ANTXR2: variants seen among roughly 807,000 people sequenced by gnomAD.
ANTXR2 encodes the protein anthrax toxin receptor 2.
Under a neutral mutation model 73.7 loss-of-function variants are expected in ANTXR2, and 44 were observed. That is an observed-to-expected ratio of 0.60 (90% CI 0.47 to 0.77). The LOEUF (loss-of-function observed/expected upper bound fraction) is 0.77. ANTXR2 is among the 30% of genes least tolerant of loss of function. ANTXR2 has a pLI of 0.00. For synonymous variants in ANTXR2, 217 were observed against 205.9 expected (o/e 1.05, Z -0.46); for missense variants, 604 against 592.5 (o/e 1.02, Z -0.20).
chr4:80,020,425 A>C (rs1248357954), intron 10 of ANTXR2, among the ~76,000 whole-genome samples: 2 of 152,144 alleles, frequency 1.3e-5, no homozygotes, highest in African/African-American at 2.4e-5. Flanking sequence ...AAACTCCCAG[A>C]AACAATCTCA....
chr4:79,988,295 G>C (rs1339659571), intron 12 of ANTXR2, among the ~76,000 whole-genome samples: 4 of 124,752 alleles, frequency 3.2e-5, no homozygotes, highest in African/African-American at 1.2e-4. Context: ...TGAAAGTAAA[G>C]GAATAGAGAA....
chr4:79,978,266 C>A, intron 14 of ANTXR2, 92 bp from the exon 15 acceptor site: 1 of 1,225,722 alleles, frequency 8.2e-7, no homozygotes. Context: ...GTTCACATCT[C>A]AGAGTGAAAA....
intron 8 of ANTXR2, 88 bp downstream of exon 8, chr4:80,035,884 T>C: frequency 8.7e-7 from 1 of 1,153,104 alleles, no homozygotes; most frequent in South Asian, 1.5e-5. Flanking sequence ...TTTGCTATTC[T>C]TTTTCCAACA....
At chr4:79,926,738 A>T (rs1337354657) in intron 16 of ANTXR2, among the ~76,000 whole-genome samples, 1 of 152,062 alleles carries the variant, frequency 6.6e-6, no homozygotes, top group Non-Finnish European at 1.5e-5. Context: ...AAAATGCCTG[A>T]GCTGGGAATG....
At chr4:80,070,344 C>T (rs1300422287) in intron 2 of ANTXR2, among the ~76,000 whole-genome samples, 1 of 152,208 alleles carries the variant, frequency 6.6e-6, no homozygotes, top group Non-Finnish European at 1.5e-5. Context: ...AGAATTCCAA[C>T]TTAAAAACCA....
intron 12 of ANTXR2, among the ~76,000 whole-genome samples, chr4:80,005,633 T>C (rs1195640244): frequency 6.6e-6 from 1 of 152,158 alleles, no homozygotes; most frequent in Non-Finnish European, 1.5e-5. Flanking sequence ...CATTTTTCTC[T>C]AGCTCACTTA....
Position 79,907,473 on chromosome 4 carries a change from GA to G in ANTXR2, c.1429-7del. The G allele has an allele frequency of 1.9e-6, 3 of 1,611,772 alleles. No individual in the cohort carries two copies. The highest frequency in any genetic ancestry group is 2.5e-6 in the Non-Finnish European group (3 of 1,178,606). On this transcript the variant is annotated splice_region_variant and splice_polypyrimidine_tract_variant and intron_variant, in intron 16 of 16. Coordinates refer to ENST00000403729, the MANE Select transcript of ANTXR2 (RefSeq NM_058172.6). ...GAGAAGTTTATGCACCGGCCCTGAA[GA>G]AAGAAATAAATCCATATTGAAATAT...
intron 16 of ANTXR2, among the ~76,000 whole-genome samples, chr4:79,963,633 C>G (rs73828825): frequency 0.091 from 13,911 of 152,212 alleles, 740 homozygotes; most frequent in Middle Eastern, 0.23. Context: ...GAGTCAGCAT[C>G]TCTCCTTTTT....
intron 3 of ANTXR2, among the ~76,000 whole-genome samples, chr4:80,065,488 G>A (rs932841915): frequency 6.6e-6 from 1 of 152,174 alleles, no homozygotes; most frequent in African/African-American, 2.4e-5. Context: ...GGGTGGGTAG[G>A]TGGAGGAATG....
At chr4:80,004,563 G>A (rs1731213439) in intron 12 of ANTXR2, among the ~76,000 whole-genome samples, 1 of 151,960 alleles carries the variant, frequency 6.6e-6, no homozygotes, top group African/African-American at 2.4e-5. Flanking sequence ...TTGGCTTGTG[G>A]CTGCATCACT....
chr4:80,009,849 A>G (rs1202440532), intron 11 of ANTXR2, among the ~76,000 whole-genome samples: 1 of 150,034 alleles, frequency 6.7e-6, no homozygotes, highest in Non-Finnish European at 1.5e-5. Flanking sequence ...TCCATCTCAA[A>G]AAAAAAAAAA....
chr4:79,911,677 A>G (rs567924666), intron 16 of ANTXR2, among the ~76,000 whole-genome samples: 10 of 151,944 alleles, frequency 6.6e-5, no homozygotes, highest in Non-Finnish European at 1.3e-4. Flanking sequence ...AATTCGATAA[A>G]CTGGAACTCA....
chr4:80,045,639 T>C (rs1733486444), intron 7 of ANTXR2, among the ~76,000 whole-genome samples: 1 of 150,492 alleles, frequency 6.6e-6, no homozygotes, highest in Admixed American at 6.7e-5. Flanking sequence ...TCATCCCCAA[T>C]ACAAAAAGAT....
rs533313957 is a variant in ANTXR2 at position 80,012,181 on chromosome 4, C to T, written c.946-3565G>A. Among the ~76,000 whole-genome samples the T allele has an allele frequency of 7.9e-5, 12 of 152,184 alleles. 1 individual carries two copies. The South Asian group carries it at 2.5e-3, about 32-fold the overall frequency. On this transcript the variant is annotated intron_variant, in intron 11 of 16. Coordinates refer to ENST00000403729, the MANE Select transcript of ANTXR2 (RefSeq NM_058172.6). ...AAAATGGGTCTCCACAATTTTGTTT[C>T]ATGAATTTAGAGTTAGGGAAAGAAA...
At position 80,006,133 on chromosome 4, in the gene ANTXR2, T is replaced by C. The variant is rs540508340; in HGVS notation, c.1041+2388A>G. On this transcript the variant is annotated intron_variant, in intron 12 of 16. Coordinates refer to ENST00000403729, the MANE Select transcript of ANTXR2 (RefSeq NM_058172.6). ...TTTCTCTGAAATGCTCCCTTTAGTC[T>C]TGGCAAACCCTTCCTCCTTTATGTT... Among the ~76,000 whole-genome samples, 4 of 152,270 alleles carry C rather than the reference T, an allele frequency of 2.6e-5. No individual in the cohort carries two copies. In the South Asian group the frequency reaches 6.2e-4, roughly 24 times the overall value.
chr4:80,018,616 A>G (rs886242389), intron 11 of ANTXR2, among the ~76,000 whole-genome samples: 3 of 152,208 alleles, frequency 2.0e-5, no homozygotes, highest in African/African-American at 4.8e-5. Flanking sequence ...TTCATTTGTA[A>G]ATTATTATCT....
At chr4:80,005,920 C>G (rs755173549) in intron 12 of ANTXR2, among the ~76,000 whole-genome samples, 36 of 152,106 alleles carry the variant, frequency 2.4e-4, no homozygotes, top group Admixed American at 4.6e-4. Context: ...AGGAGGTCCT[C>G]CCCTATGGGT....
chr4:79,937,832 G>A (rs1426529717), intron 16 of ANTXR2, among the ~76,000 whole-genome samples: 1 of 148,398 alleles, frequency 6.7e-6, no homozygotes, highest in Non-Finnish European at 1.5e-5. Context: ...ATCTCACTAG[G>A]GAGTGCCAGA....
Position 79,929,393 on chromosome 4 carries a change from A to G in ANTXR2, c.1429-21926T>C, listed in dbSNP as rs139802968. ...CCGGGCGTGGTGGCAGATGCCTGTA[A>G]TCCCAGCTACTCTGGAGGCTGAGGC... On this transcript the variant is annotated intron_variant, in intron 16 of 16. Transcript: ENST00000403729. Among the ~76,000 whole-genome samples, 589 of 152,142 alleles carry G rather than the reference A, an allele frequency of 3.9e-3. 4 individuals carry two copies. Among genetic ancestry groups the G allele is most frequent in the Middle Eastern group, 0.01 (3 of 294 alleles).
Sources: allele counts gnomAD v4.1 joint callset (sites outside exome capture counted in the v4.1 genomes callset), GRCh38; gene constraint gnomAD v4.1.1; transcripts MANE v1.5; gene names NCBI Gene and HGNC (gene_info 2026-07-23, HGNC 2026-07-21).